The following ARL10 variants were observed in gnomAD, a reference collection of about 807,000 sequenced individuals.
The protein encoded by ARL10 is ARF like GTPase 10.
In ARL10, 23 loss-of-function variants were observed where a neutral mutation model predicts 26.1. The ratio of observed to expected loss-of-function variants is 0.88; its 90% CI spans 0.63 to 1.25. The LOEUF (loss-of-function observed/expected upper bound fraction) is 1.25, where lower values mean the gene tolerates loss of function less well. Ranked by LOEUF, ARL10 falls within the 50% of genes most tolerant of loss-of-function variation. The pLI is 0.00. For missense variants in ARL10, 300 were observed against 323.6 expected, an observed-to-expected ratio of 0.93 and a Z score of 0.56; for synonymous variants, 138 against 149.1, an observed-to-expected ratio of 0.93 and a Z score of 0.54.
At position 176,368,744 on chromosome 5, in the gene ARL10, G is replaced by T. The variant is rs571767102; in HGVS notation, c.386-63G>T. The T allele has an allele frequency of 1.1e-3, 1,706 of 1,525,314 alleles. 9 individuals are homozygous for T. Among genetic ancestry groups the T allele is most frequent in the Middle Eastern group, 4.2e-3 (17 of 4,038 alleles). The allele number at this position is 1,525,314 out of a possible 1,614,324, so 94.5% of individuals were successfully genotyped here. A position where few individuals can be genotyped will look rare whatever the true frequency, so the allele number is the denominator to read the frequency against. ...AGTGAGCGGGGGCCCGGGGTGGGGT[G>T]GGGGCTGTGGGCAGTGAGCGGGGGC... On this transcript the variant is annotated intron_variant, in intron 2 of 3. Coordinates refer to ENST00000310389, the MANE Select transcript of ARL10 (RefSeq NM_173664.6). This position sits in a 1 kb window ranked among gnomAD's most constrained non-coding sequence, Gnocchi z 4.1.
downstream of ARL10, among the ~76,000 whole-genome samples, chr5:176,404,337 C>T (rs565784752): frequency 5.1e-4 from 78 of 152,358 alleles, no homozygotes; most frequent in Middle Eastern, 3.4e-3. Flanking sequence ...ACCCTCAGCT[C>T]GCCTAGGGGC....
downstream of ARL10, among the ~76,000 whole-genome samples, chr5:176,404,319 C>T (rs187872211): frequency 6.6e-6 from 1 of 152,384 alleles, no homozygotes; most frequent in East Asian, 1.9e-4. Context: ...GACGCACCCC[C>T]ACACACCACC....
chr5:176,406,013 G>A (rs1448017414), downstream of ARL10: 25 of 355,448 alleles, frequency 7.0e-5, no homozygotes, highest in Non-Finnish European at 7.9e-6. Context: ...GAGCACAGTG[G>A]TGCTGCTGGC....
In ARL10 at chr5:176,381,176, T is replaced by C; in HGVS notation, c.*9281T>C. On this transcript the variant is annotated 3_prime_UTR_variant, in exon 4 of 4. Transcript: ENST00000310389. Reference sequence around the variant, plus strand: ...AATGCCTCTAACTGGATCCATCCAGTTTATTATGGGATGCAGTCCAATCCA... The same window carrying C: ...AATGCCTCTAACTGGATCCATCCAGCTTATTATGGGATGCAGTCCAATCCA... 1 of 152,154 alleles carries C rather than the reference T, an allele frequency of 6.6e-6. No individual in the cohort carries two copies. The allele number at this position is 152,154 out of a possible 1,614,324, so 9.4% of individuals were successfully genotyped here.
chr5:176,412,917 C>T, the ARL10 span, among the ~76,000 whole-genome samples: 7 of 152,216 alleles, frequency 4.6e-5, no homozygotes, highest in African/African-American at 1.2e-4. Context: ...CCTGTGATGC[C>T]GGTCTGTACA....
chr5:176,400,030 A>G (rs1756737814), intron 1 of ARL10, among the ~76,000 whole-genome samples: 1 of 152,046 alleles, frequency 6.6e-6, no homozygotes, highest in Non-Finnish European at 1.5e-5. Flanking sequence ...CATCTCTACT[A>G]AAAACACAAA....
downstream of ARL10, chr5:176,389,028 G>A (rs1756140647): frequency 1.0e-5 from 16 of 1,598,656 alleles, no homozygotes; most frequent in African/African-American, 1.3e-5. Flanking sequence ...TCGGAGGGAA[G>A]GAAGTAGAGA....
intron 1 of ARL10, among the ~76,000 whole-genome samples, chr5:176,401,395 C>G (rs1296293318): frequency 6.6e-6 from 1 of 152,226 alleles, no homozygotes; most frequent in East Asian, 1.9e-4. Flanking sequence ...CACCCAATCC[C>G]CACTCCTTGA....
downstream of ARL10, chr5:176,389,442 C>G: frequency 6.2e-7 from 1 of 1,614,162 alleles, no homozygotes; most frequent in Non-Finnish European, 8.5e-7. Context: ...CAGGGTTTCA[C>G]GGTCGCAGCC....
chr5:176,390,912 G>C (rs529730570), downstream of ARL10, among the ~76,000 whole-genome samples: 5 of 152,330 alleles, frequency 3.3e-5, no homozygotes, highest in African/African-American at 1.2e-4. Flanking sequence ...CTAGAAGAGA[G>C]GTGACCTGTT....
the ARL10 span, among the ~76,000 whole-genome samples, chr5:176,409,290 A>G: frequency 8.1e-6 from 1 of 123,244 alleles, no homozygotes; most frequent in African/African-American, 3.3e-5. Flanking sequence ...TATTTTTAAA[A>G]TTGAAAAAAA....
chr5:176,392,031 G>T (rs13162111), downstream of ARL10, among the ~76,000 whole-genome samples: 14,520 of 152,216 alleles, frequency 0.095, 810 homozygotes, highest in African/African-American at 0.14. This position sits in a 1 kb window ranked among gnomAD's most constrained non-coding sequence, Gnocchi z 5.2. Context: ...TCCAAGATGA[G>T]CCCAGTTGAA....
chr5:176,383,690 G>A (rs77285028), downstream of ARL10, among the ~76,000 whole-genome samples: 204 of 152,380 alleles, frequency 1.3e-3, 2 homozygotes, highest in East Asian at 0.024. Context: ...CTAGTGGGGG[G>A]ACTAGCGTGG....
At chr5:176,393,278 C>T (rs535233839), downstream of ARL10, among the ~76,000 whole-genome samples, 3 of 152,290 alleles carry the variant, frequency 2.0e-5, no homozygotes, top group Non-Finnish European at 2.9e-5. The surrounding 1 kb of genome is among the most constrained non-coding windows in gnomAD (Gnocchi z 4.4). Flanking sequence ...ACTTCCCCAT[C>T]GGGAGTTCCC....
At chr5:176,387,293 C>G (rs994168903) in intron 1 of ARL10, among the ~76,000 whole-genome samples, 2 of 152,040 alleles carry the variant, frequency 1.3e-5, no homozygotes, top group African/African-American at 4.8e-5. Flanking sequence ...TTGGCCAGGC[C>G]GGTCTCAAAC....
chr5:176,365,856 G>C (rs1390554653), intron 1 of ARL10, 110 bp downstream of exon 1: 2 of 1,146,468 alleles, frequency 1.7e-6, no homozygotes, highest in Non-Finnish European at 1.1e-6. Context: ...CGGGAGCTTG[G>C]GGGGTCGAGG....
rs1455364488 is a variant in ARL10, at chr5:176,379,093, C to CTATG, written c.*7199_*7202dup. 6.6e-6 allele frequency: 1 copy of CTATG among 152,100 alleles called. No homozygotes were observed. Among genetic ancestry groups the CTATG allele is most frequent in the African/African-American group, 2.4e-5 (1 of 41,400 alleles). 9.4% of individuals were successfully genotyped at this position (152,100 alleles called of 1,614,324 possible). A position where few individuals can be genotyped will look rare whatever the true frequency, so the allele number is the denominator to read the frequency against. On this transcript the variant is annotated 3_prime_UTR_variant, in exon 4 of 4. Transcript: ENST00000310389. ...TTTAAACAATTGGGATATGCCTTAG[C>CTATG]TATGGGGTCTAATTGCAGGCCATGA... is the stretch of plus-strand genomic sequence containing the variant.
chr5:176,372,047 A>G lies in ARL10; in HGVS notation c.*152A>G. On this transcript the variant is annotated 3_prime_UTR_variant, in exon 4 of 4. Coordinates refer to ENST00000310389, the MANE Select transcript of ARL10 (RefSeq NM_173664.6). Reference sequence around the variant, plus strand: ...CAAGAGCAGGGCCTGGGCAAGGCCAAGAACCATGCAGAAGCCTTCCTGGTG... The same window carrying G: ...CAAGAGCAGGGCCTGGGCAAGGCCAGGAACCATGCAGAAGCCTTCCTGGTG... 1.0e-5 allele frequency: 15 copies of G among 1,441,682 alleles called. No homozygotes were observed. The highest frequency in any genetic ancestry group is 1.4e-5 in the Non-Finnish European group (15 of 1,100,590). The allele number at this position is 1,441,682 out of a possible 1,614,324, so 89.3% of individuals were successfully genotyped here.
downstream of ARL10, among the ~76,000 whole-genome samples, chr5:176,403,181 G>A (rs1756913974): frequency 6.6e-6 from 1 of 150,726 alleles, no homozygotes; most frequent in Non-Finnish European, 1.5e-5. Context: ...TCCCAAGTAG[G>A]TGGGATTACA....
Sources: allele counts gnomAD v4.1 joint callset (sites outside exome capture counted in the v4.1 genomes callset), GRCh38; gene constraint gnomAD v4.1.1; non-coding constraint Gnocchi (gnomAD v3.1); transcripts MANE v1.5; gene names NCBI Gene and HGNC (gene_info 2026-07-23, HGNC 2026-07-21).